CPNE4: variants seen among roughly 807,000 people sequenced by gnomAD.
CPNE4 encodes the protein copine-4.
In CPNE4, 25 loss-of-function variants were observed where a neutral mutation model predicts 67.9. That is an observed-to-expected ratio of 0.37 (90% CI 0.27 to 0.51). The LOEUF (loss-of-function observed/expected upper bound fraction) is 0.51. Ranked by LOEUF, CPNE4 falls within the 20% of genes least tolerant of loss-of-function variation. CPNE4 has a pLI of 0.93. For missense variants in CPNE4, 464 were observed against 690.8 expected, an observed-to-expected ratio of 0.67 and a Z score of 3.68; for synonymous variants, 242 against 244.9, an observed-to-expected ratio of 0.99 and a Z score of 0.11.
chr3:131,647,263 C>G (rs1030713622), intron 7 of CPNE4, among the ~76,000 whole-genome samples: 16 of 152,138 alleles, frequency 1.1e-4, no homozygotes, highest in Non-Finnish European at 5.9e-5. Context: ...ATCTCAATAC[C>G]TGGAGACGCT....
chr3:131,810,287 TG>T (rs2084473077), intron 2 of CPNE4, among the ~76,000 whole-genome samples: 1 of 152,076 alleles, frequency 6.6e-6, no homozygotes, highest in Non-Finnish European at 1.5e-5. Context: ...AGAATATTTT[TG>T]TCTGTCATAT....
At chr3:131,540,382 A>G (rs1935413517) in intron 15 of CPNE4, among the ~76,000 whole-genome samples, 2 of 152,254 alleles carry the variant, frequency 1.3e-5, no homozygotes, top group South Asian at 4.1e-4. Flanking sequence ...TACAGAGTTC[A>G]GCTGAGGCTG....
chr3:131,757,783 T>C (rs2082787445), intron 2 of CPNE4, among the ~76,000 whole-genome samples: 1 of 152,196 alleles, frequency 6.6e-6, no homozygotes, highest in Non-Finnish European at 1.5e-5. Context: ...CCAGGGTCCC[T>C]GTGCTGTGTG....
intron 1 of CPNE4, among the ~76,000 whole-genome samples, chr3:131,952,020 G>A (rs1345829814): frequency 4.0e-5 from 6 of 151,658 alleles, no homozygotes; most frequent in East Asian, 2.0e-4. Flanking sequence ...CTGCCTGGCC[G>A]CCCATCGTCT....
intron 1 of CPNE4, among the ~76,000 whole-genome samples, chr3:131,977,989 G>A (rs1331773192): frequency 1.4e-5 from 2 of 141,044 alleles, no homozygotes; most frequent in African/African-American, 2.7e-5. Flanking sequence ...ATCTCATCCA[G>A]GTCACTGCAA....
At chr3:131,996,905 AAC>A (rs778648370) in intron 1 of CPNE4, among the ~76,000 whole-genome samples, 18 of 152,150 alleles carry the variant, frequency 1.2e-4, no homozygotes, top group Non-Finnish European at 2.2e-4. Flanking sequence ...AAATGTACAG[AAC>A]ATCTGCTTTA....
At chr3:131,945,482 G>A (rs1450086740) in intron 1 of CPNE4, among the ~76,000 whole-genome samples, 1 of 152,180 alleles carries the variant, frequency 6.6e-6, no homozygotes, top group East Asian at 1.9e-4. Flanking sequence ...AACTAGAGAT[G>A]GGTGATTCCA....
intron 9 of CPNE4, among the ~76,000 whole-genome samples, chr3:131,576,944 A>C (rs1415922816): frequency 2.6e-5 from 4 of 152,110 alleles, no homozygotes; most frequent in Non-Finnish European, 5.9e-5. Context: ...TTGAACTAAA[A>C]AATGATTGGT....
In CPNE4 at chr3:131,797,064, C is replaced by T. The variant is rs149599814; in HGVS notation, c.181-73439G>A. Among the ~76,000 whole-genome samples, 1,035 of 152,314 alleles carry T rather than the reference C, an allele frequency of 6.8e-3. 14 individuals are homozygous for T. The highest frequency in any genetic ancestry group is 0.023 in the African/African-American group (957 of 41,560). Reference sequence around the variant, plus strand: ...TCAGCTTTACCCCATGCTGTATAAACTCCATAGGTCACAGTGGCTTTGATA... The same window carrying T: ...TCAGCTTTACCCCATGCTGTATAAATTCCATAGGTCACAGTGGCTTTGATA... On this transcript the variant is annotated intron_variant, in intron 2 of 15. Coordinates refer to ENST00000429747, the MANE Select transcript of CPNE4 (RefSeq NM_130808.3).
intron 2 of CPNE4, among the ~76,000 whole-genome samples, chr3:131,875,419 T>G (rs13063001): frequency 6.6e-6 from 1 of 152,110 alleles, no homozygotes; most frequent in Non-Finnish European, 1.5e-5. Flanking sequence ...TAGCAAAGAC[T>G]TGGAACCAAC....
At chr3:131,952,913 C>G (rs2071809154) in intron 1 of CPNE4, among the ~76,000 whole-genome samples, 1 of 152,122 alleles carries the variant, frequency 6.6e-6, no homozygotes, top group Non-Finnish European at 1.5e-5. Context: ...ATTATTCTGC[C>G]TTGGGATCCT....
chr3:131,775,290 T>A (rs2083265818), intron 2 of CPNE4, among the ~76,000 whole-genome samples: 1 of 152,160 alleles, frequency 6.6e-6, no homozygotes, highest in Admixed American at 6.6e-5. Context: ...TCTTTAAAAC[T>A]TTTGACTTTT....
chr3:132,028,375 A>G (rs1002501324), intron 1 of CPNE4, among the ~76,000 whole-genome samples: 2 of 152,146 alleles, frequency 1.3e-5, no homozygotes, highest in African/African-American at 4.8e-5. Flanking sequence ...CACAATTTCA[A>G]TGTTTCTTTT....
intron 7 of CPNE4, among the ~76,000 whole-genome samples, chr3:131,666,364 C>A (rs1202714383): frequency 4.6e-5 from 7 of 151,970 alleles, no homozygotes; most frequent in African/African-American, 7.2e-5. Context: ...ACCTTAAATA[C>A]TATGGAGAGG....
chr3:131,641,010 A>T (rs918488916), intron 7 of CPNE4, among the ~76,000 whole-genome samples: 2 of 152,346 alleles, frequency 1.3e-5, no homozygotes, highest in South Asian at 4.1e-4. Flanking sequence ...TTATACAAAA[A>T]TCAACTCAAG....
chr3:131,544,744 C>T (rs924451126), intron 14 of CPNE4, among the ~76,000 whole-genome samples: 3 of 151,994 alleles, frequency 2.0e-5, no homozygotes, highest in Non-Finnish European at 2.9e-5. Context: ...CATAAGTCAC[C>T]CTCTCTAGAG....
intron 1 of CPNE4, among the ~76,000 whole-genome samples, chr3:132,021,326 T>C (rs1404813491): frequency 2.6e-5 from 4 of 152,238 alleles, no homozygotes; most frequent in Non-Finnish European, 4.4e-5. Context: ...TCACAATGCA[T>C]AGCAACAAAG....
intron 1 of CPNE4, among the ~76,000 whole-genome samples, chr3:132,001,004 A>G (rs557805140): frequency 6.4e-4 from 98 of 152,218 alleles, no homozygotes; most frequent in African/African-American, 2.1e-3. Context: ...AGATCCACTC[A>G]GAACAAGCCC....
At chr3:131,786,090 A>C (rs1362154527) in intron 2 of CPNE4, among the ~76,000 whole-genome samples, 1 of 152,076 alleles carries the variant, frequency 6.6e-6, no homozygotes, top group East Asian at 1.9e-4. Context: ...CATTGGTTAA[A>C]GCACCAGCTC....
Sources: allele counts gnomAD v4.1 joint callset (sites outside exome capture counted in the v4.1 genomes callset), GRCh38; gene constraint gnomAD v4.1.1; transcripts MANE v1.5; gene names NCBI Gene and HGNC (gene_info 2026-07-23, HGNC 2026-07-21).